Variants in DOCK2 observed in about 807,000 individuals in gnomAD.
The protein encoded by DOCK2 is dedicator of cytokinesis 2.
DOCK2 carries 87 observed loss-of-function variants against 248.9 expected under a neutral mutation model. The ratio of observed to expected loss-of-function variants is 0.35; its 90% CI spans 0.29 to 0.42. The LOEUF is 0.42. Among genes scored for constraint, DOCK2 ranks in the 10% least tolerant of loss-of-function variants. DOCK2 has a pLI of 1.00. For synonymous variants in DOCK2, 805 were observed against 821.6 expected (o/e 0.98, Z 0.35); for missense variants, 1,747 against 2,300.2 (o/e 0.76, Z 4.92).
At chr5:169,666,086 A>C (rs897926232) in intron 2 of DOCK2, among the ~76,000 whole-genome samples, 1 of 152,154 alleles carries the variant, frequency 6.6e-6, no homozygotes, top group Non-Finnish European at 1.5e-5. Context: ...ATACTTATGG[A>C]GACTGGAAAG....
At chr5:169,831,216 C>A (rs373311188) in intron 26 of DOCK2, among the ~76,000 whole-genome samples, 3 of 150,296 alleles carry the variant, frequency 2.0e-5, no homozygotes, top group Non-Finnish European at 1.5e-5. Context: ...AATAAATTTT[C>A]AAAAAAAAAA....
chr5:169,854,122 C>G (rs904303254), intron 27 of DOCK2, among the ~76,000 whole-genome samples: 49 of 151,324 alleles, frequency 3.2e-4, no homozygotes, highest in African/African-American at 1.1e-3. Context: ...TGCACCCAGC[C>G]AAAAACAACT....
intron 44 of DOCK2, among the ~76,000 whole-genome samples, chr5:170,067,111 C>G (rs1757517887): frequency 6.6e-6 from 1 of 152,192 alleles, no homozygotes; most frequent in Admixed American, 6.5e-5. Flanking sequence ...CTACTATGTG[C>G]CAGGCTGGGT....
intron 27 of DOCK2, among the ~76,000 whole-genome samples, chr5:169,928,736 G>A (rs1033849129): frequency 6.6e-6 from 1 of 152,194 alleles, no homozygotes; most frequent in Non-Finnish European, 1.5e-5. Context: ...CCTTCATAGA[G>A]AACAGTTATA....
chr5:169,790,628 G>A (rs536618450), intron 25 of DOCK2, among the ~76,000 whole-genome samples: 2 of 152,322 alleles, frequency 1.3e-5, no homozygotes, highest in South Asian at 4.1e-4. Context: ...TTATAAGTTA[G>A]CAACAGTGGA....
intron 25 of DOCK2, among the ~76,000 whole-genome samples, chr5:169,797,497 A>C (rs1328902358): frequency 6.6e-6 from 1 of 152,258 alleles, no homozygotes; most frequent in Non-Finnish European, 1.5e-5. Flanking sequence ...TGACCGCCAC[A>C]TGACAAAACT....
rs145490403 is a variant in DOCK2, at chr5:169,998,164, T to G, written c.3072+2000T>G. On this transcript the variant is annotated intron_variant, in intron 30 of 51. Transcript: ENST00000520908. ...GCTTCCTGGAGTCTCTTCATAGCAC[T>G]AAATATCATTAGAACTCATCTTTCT... The G allele has an allele frequency of 4.2e-4, 168 of 399,512 alleles. No individual in the cohort carries two copies. In the East Asian group the frequency reaches 9.5e-3, roughly 22 times the overall value. The allele number at this position is 399,512 out of a possible 1,614,324, so 24.7% of individuals were successfully genotyped here. A position where few individuals can be genotyped will look rare whatever the true frequency, so the allele number is the denominator to read the frequency against.
chr5:170,003,383 C>T (rs540580622), intron 30 of DOCK2, among the ~76,000 whole-genome samples: 5 of 152,380 alleles, frequency 3.3e-5, no homozygotes, highest in Admixed American at 3.3e-4. Flanking sequence ...GTGCTCTTGA[C>T]TACCAGACAG....
At chr5:169,991,768 A>T (rs752137346) in intron 29 of DOCK2, among the ~76,000 whole-genome samples, 2 of 152,232 alleles carry the variant, frequency 1.3e-5, no homozygotes, top group Non-Finnish European at 2.9e-5. Flanking sequence ...AACTGAAAAC[A>T]CTTTAGAGAA....
intron 27 of DOCK2, among the ~76,000 whole-genome samples, chr5:169,846,181 A>C (rs538713655): frequency 2.4e-4 from 37 of 152,304 alleles, no homozygotes; most frequent in African/African-American, 8.4e-4. Context: ...AAATCCCAGG[A>C]GGGCCCCAAG....
intron 27 of DOCK2, among the ~76,000 whole-genome samples, chr5:169,925,425 C>G (rs990522976): frequency 5.9e-5 from 9 of 151,886 alleles, no homozygotes; most frequent in Non-Finnish European, 8.8e-5. Flanking sequence ...ACTAAAATTA[C>G]AAAAATTAAC....
chr5:169,918,183 A>C (rs184677651), intron 27 of DOCK2, among the ~76,000 whole-genome samples: 1 of 152,298 alleles, frequency 6.6e-6, no homozygotes, highest in East Asian at 1.9e-4. Context: ...AAAATACAGA[A>C]ACCACATATG....
At chr5:169,833,091 G>A (rs369233432) in intron 26 of DOCK2, among the ~76,000 whole-genome samples, 16 of 152,182 alleles carry the variant, frequency 1.1e-4, no homozygotes, top group African/African-American at 3.9e-4. Context: ...CACAACACTG[G>A]TCATATTACC....
At chr5:169,669,794 C>T (rs1758941855) in intron 3 of DOCK2, among the ~76,000 whole-genome samples, 1 of 152,202 alleles carries the variant, frequency 6.6e-6, no homozygotes, top group African/African-American at 2.4e-5. Context: ...CAGGCGCTTG[C>T]TTTGCTTGTC....
chr5:169,650,770 T>C (rs1757759900), intron 1 of DOCK2, among the ~76,000 whole-genome samples: 1 of 152,176 alleles, frequency 6.6e-6, no homozygotes, highest in South Asian at 2.1e-4. Context: ...CTGGGTGGGC[T>C]TGTCAGGATA....
chr5:169,698,715 T>A (rs1388979947), intron 11 of DOCK2, among the ~76,000 whole-genome samples: 2 of 152,240 alleles, frequency 1.3e-5, no homozygotes, highest in Admixed American at 6.5e-5. Context: ...GTGTGGAGGA[T>A]GAAGTAGTGA....
chr5:169,931,241 G>C (rs146147062), intron 27 of DOCK2, among the ~76,000 whole-genome samples: 2 of 152,202 alleles, frequency 1.3e-5, no homozygotes, highest in African/African-American at 4.8e-5. Flanking sequence ...TCCCAAAGAC[G>C]ACCAGGAGAG....
At chr5:170,033,147 T>G (rs557414500) in intron 34 of DOCK2, among the ~76,000 whole-genome samples, 1 of 152,310 alleles carries the variant, frequency 6.6e-6, no homozygotes, top group South Asian at 2.1e-4. Context: ...GTACAGTGTC[T>G]GGCACAGAAT....
At chr5:169,824,335 A>C (rs1768692854) in intron 26 of DOCK2, among the ~76,000 whole-genome samples, 1 of 152,266 alleles carries the variant, frequency 6.6e-6, no homozygotes, top group Admixed American at 6.5e-5. Context: ...AGCCAAAAGA[A>C]GAAAGCTGGA....
Sources: allele counts gnomAD v4.1 joint callset (sites outside exome capture counted in the v4.1 genomes callset), GRCh38; gene constraint gnomAD v4.1.1; transcripts MANE v1.5; gene names NCBI Gene and HGNC (gene_info 2026-07-23, HGNC 2026-07-21).